RNF43: variants seen among roughly 807,000 people sequenced by gnomAD.
The protein encoded by RNF43 is ring finger protein 43.
RNF43 carries 37 observed loss-of-function variants against 78.4 expected under a neutral mutation model. That is an observed-to-expected ratio of 0.47 (90% CI 0.36 to 0.62). RNF43 has a LOEUF of 0.62. Ranked by LOEUF, RNF43 falls within the 20% of genes least tolerant of loss-of-function variation. The pLI is 0.00. For synonymous variants in RNF43, 347 were observed against 395.0 expected, an observed-to-expected ratio of 0.88 and a Z score of 1.44; for missense variants, 774 against 1,007.9, an observed-to-expected ratio of 0.77 and a Z score of 3.14.
At chr17:58,352,882 C>T (rs544521174), downstream of RNF43, 4 of 217,076 alleles carry the variant, frequency 1.8e-5, no homozygotes, top group African/African-American at 6.7e-5. Context: ...CTTTTTTTCC[C>T]TTTCATTTCA....
At chr17:58,384,743 A>G (rs534579319) in intron 2 of RNF43, among the ~76,000 whole-genome samples, 31 of 152,346 alleles carry the variant, frequency 2.0e-4, no homozygotes, top group African/African-American at 7.0e-4. Context: ...AAGCACGGAC[A>G]TAACAAGAGC....
chr17:58,415,219 G>C (rs1974097837), intron 2 of RNF43, 107 bp downstream of exon 2: 4 of 1,181,726 alleles, frequency 3.4e-6, no homozygotes, highest in East Asian at 2.3e-5. Flanking sequence ...CTATGAAATA[G>C]AAAGCTAAGC....
intron 1 of RNF43, 151 bp from the exon 2 acceptor site, chr17:58,416,113 A>G (rs1974118401): frequency 5.9e-6 from 1 of 169,142 alleles, no homozygotes; most frequent in African/African-American, 2.4e-5. Flanking sequence ...AAATACCACA[A>G]GGAGATTTTT....
At chr17:58,363,069 C>T (rs1302012793) in intron 5 of RNF43, 3 of 615,974 alleles carry the variant, frequency 4.9e-6, no homozygotes, top group Middle Eastern at 4.1e-4. Flanking sequence ...CTTTAGAACT[C>T]ATCTGTCCTG....
At chr17:58,386,852 T>C (rs976155390) in intron 2 of RNF43, among the ~76,000 whole-genome samples, 8 of 152,242 alleles carry the variant, frequency 5.3e-5, no homozygotes, top group African/African-American at 1.7e-4. Context: ...GGGGTCTTGC[T>C]ATGTTGCCCA....
intron 3 of RNF43, among the ~76,000 whole-genome samples, chr17:58,369,130 G>A (rs1232657730): frequency 1.3e-5 from 2 of 152,040 alleles, no homozygotes; most frequent in Non-Finnish European, 2.9e-5. Flanking sequence ...TGCAGTACAG[G>A]CACTGGGAAC....
At chr17:58,413,778 TAAA>T (rs1974070531) in intron 2 of RNF43, among the ~76,000 whole-genome samples, 1 of 152,198 alleles carries the variant, frequency 6.6e-6, no homozygotes, top group Non-Finnish European at 1.5e-5. Context: ...GATTAAAACT[TAAA>T]AGAATACATT....
rs2143386497 is a variant in RNF43, at chr17:58,357,562, A to T, written c.2214T>A (p.His738Gln). The change falls in exon 9 of 10, where the codon CAT (histidine) becomes CAA (glutamine). Residue 738 changes from histidine (H) to glutamine (Q), a missense_variant. His to Gln is a conservative substitution (Grantham distance 24). Transcript: ENST00000407977. This position sits in a 1 kb window ranked among gnomAD's most constrained non-coding sequence, Gnocchi z 4.5. ...CLTPRQPLEP[H>Q]PPGEGPSEWS... ...ATTCAGAAGGCCCCTCCCCAGGTGG[A>T]TGTGGTTCCAGGGGCTGGCGAGGAG... is the stretch of plus-strand genomic sequence containing the variant. The T allele has an allele frequency of 6.2e-7, 1 of 1,614,164 alleles. No homozygotes were observed. Among genetic ancestry groups the T allele is most frequent in the Non-Finnish European group, 8.5e-7 (1 of 1,180,024 alleles).
chr17:58,363,672 C>G (rs1972890927), intron 3 of RNF43, 72 bp from the exon 4 acceptor site: 2 of 1,282,536 alleles, frequency 1.6e-6, no homozygotes, highest in Admixed American at 3.9e-5. Context: ...CTAGCCTCAC[C>G]CCTCACACAT....
chr17:58,409,389 C>T (rs569625115), intron 2 of RNF43, among the ~76,000 whole-genome samples: 5 of 152,158 alleles, frequency 3.3e-5, no homozygotes, highest in African/African-American at 9.6e-5. Context: ...GGATATTACT[C>T]ATCTATAACA....
At chr17:58,373,918 T>C (rs1173327373) in intron 2 of RNF43, among the ~76,000 whole-genome samples, 1 of 152,202 alleles carries the variant, frequency 6.6e-6, no homozygotes, top group Non-Finnish European at 1.5e-5. Context: ...GTCGGAGCCA[T>C]GGAGCTCCAA....
At chr17:58,367,359 C>T (rs568610553) in intron 3 of RNF43, among the ~76,000 whole-genome samples, 2 of 152,178 alleles carry the variant, frequency 1.3e-5, no homozygotes, top group Non-Finnish European at 1.5e-5. Context: ...TTCATTTACT[C>T]CTCAAAACTC....
chr17:58,400,160 C>T (rs1272181202), intron 2 of RNF43, among the ~76,000 whole-genome samples: 3 of 152,108 alleles, frequency 2.0e-5, no homozygotes, highest in Admixed American at 6.5e-5. Flanking sequence ...AAGTGATTCA[C>T]CGTACCACAA....
Position 58,358,820 on chromosome 17 carries a change from C to G in RNF43, c.956G>C (p.Gly319Ala), listed in dbSNP as rs1236903441. Reference sequence around the variant, plus strand: ...TCCCAGGGACTGGGAAAATGAATCTCCCTCTGGAAAAAAGAACCAAGAGCA... The same window carrying G: ...TCCCAGGGACTGGGAAAATGAATCTGCCTCTGGAAAAAAGAACCAAGAGCA... Reference protein sequence around the residue: ...CPLCMFNITEGDSFSQSLGPS... With the variant: ...CPLCMFNITEADSFSQSLGPS... Residue 319 changes from glycine (G) to alanine (A), a missense_variant, in exon 9 of 10, where the codon GGA becomes GCA. Gly to Ala is a moderately conservative substitution (Grantham distance 60). Transcript: ENST00000407977. The surrounding 1 kb of genome is among the most constrained non-coding windows in gnomAD (Gnocchi z 6.2). 2.0e-6 allele frequency: 3 copies of G among 1,491,826 alleles called. No individual in the cohort carries two copies. Among genetic ancestry groups the G allele is most frequent in the South Asian group, 1.4e-5 (1 of 73,842 alleles). 92.4% of individuals were successfully genotyped at this position (1,491,826 alleles called of 1,614,324 possible).
At chr17:58,389,257 A>G (rs1973496692) in intron 2 of RNF43, among the ~76,000 whole-genome samples, 1 of 152,226 alleles carries the variant, frequency 6.6e-6, no homozygotes, top group African/African-American at 2.4e-5. Flanking sequence ...AGTACTTGAC[A>G]GATTGGAGTA....
At chr17:58,391,536 C>G (rs1166119294) in intron 2 of RNF43, among the ~76,000 whole-genome samples, 1 of 152,184 alleles carries the variant, frequency 6.6e-6, no homozygotes, top group Non-Finnish European at 1.5e-5. Flanking sequence ...CAGTGGGGGC[C>G]AACGCTGGAC....
chr17:58,384,527 G>A (rs987999830), intron 2 of RNF43, among the ~76,000 whole-genome samples: 4 of 152,082 alleles, frequency 2.6e-5, no homozygotes, highest in Non-Finnish European at 5.9e-5. Flanking sequence ...TTTTATATTA[G>A]CAAAGTGCTT....
At chr17:58,363,969 G>A (rs547642219) in intron 3 of RNF43, among the ~76,000 whole-genome samples, 1 of 152,168 alleles carries the variant, frequency 6.6e-6, no homozygotes, top group Non-Finnish European at 1.5e-5. Flanking sequence ...GTATGAGCAC[G>A]AAGAGTAGGA....
chr17:58,388,150 C>G (rs1454694471), intron 2 of RNF43, among the ~76,000 whole-genome samples: 1 of 152,118 alleles, frequency 6.6e-6, no homozygotes, highest in African/African-American at 2.4e-5. Flanking sequence ...AGTCATCAGG[C>G]CATACTTTTG....
Sources: gnomAD v4.1 joint callset for allele counts (sites outside exome capture counted in the v4.1 genomes callset) on GRCh38, gnomAD v4.1.1 for gene constraint, Gnocchi (gnomAD v3.1) non-coding constraint, MANE v1.5 for transcripts, NCBI Gene and HGNC (gene_info 2026-07-23, HGNC 2026-07-21) for gene names.